Variants in CNBD1 observed in about 807,000 individuals in gnomAD.
The protein encoded by CNBD1 is cyclic nucleotide-binding domain-containing protein 1.
Under a neutral mutation model 54.4 loss-of-function variants are expected in CNBD1, and 71 were observed. That is an observed-to-expected ratio of 1.30 (90% CI 1.08 to 1.59). CNBD1 has a LOEUF of 1.59. CNBD1 is among the 40% of genes most tolerant of loss of function. The pLI is 0.00. For synonymous variants in CNBD1, 182 were observed against 170.7 expected, an observed-to-expected ratio of 1.07 and a Z score of -0.51; for missense variants, 659 against 518.0, an observed-to-expected ratio of 1.27 and a Z score of -2.64.
At chr8:87,361,448 G>T (rs1259741010) in intron 10 of CNBD1, among the ~76,000 whole-genome samples, 1 of 151,560 alleles carries the variant, frequency 6.6e-6, no homozygotes, top group African/African-American at 2.4e-5. Context: ...GTCTTACAAG[G>T]CTATGTGAAG....
intron 4 of CNBD1, among the ~76,000 whole-genome samples, chr8:87,142,519 A>G (rs995151010): frequency 3.3e-5 from 5 of 152,178 alleles, no homozygotes; most frequent in African/African-American, 1.2e-4. Flanking sequence ...TAGGCTAAAT[A>G]CATTTAACTC....
At chr8:87,117,668 T>A (rs979232078) in intron 4 of CNBD1, among the ~76,000 whole-genome samples, 1 of 152,136 alleles carries the variant, frequency 6.6e-6, no homozygotes, top group African/African-American at 2.4e-5. Context: ...GAAATCAAGA[T>A]AAGGAGTGAG....
At chr8:86,932,545 A>G (rs1426155294) in intron 3 of CNBD1, among the ~76,000 whole-genome samples, 2 of 152,160 alleles carry the variant, frequency 1.3e-5, no homozygotes, top group Admixed American at 6.5e-5. Context: ...TTATCCTTCA[A>G]TGAAAGGAAA....
intron 10 of CNBD1, among the ~76,000 whole-genome samples, chr8:87,363,714 T>A (rs967745253): frequency 5.9e-5 from 9 of 152,106 alleles, no homozygotes; most frequent in Admixed American, 5.2e-4. Flanking sequence ...TGTTTTTTTC[T>A]TGTGATTTTG....
intron 2 of CNBD1, among the ~76,000 whole-genome samples, chr8:87,418,020 C>G (rs1288785155): frequency 6.6e-6 from 1 of 151,840 alleles, no homozygotes; most frequent in African/African-American, 2.4e-5. Context: ...ATTAAAATTC[C>G]TGCTCTCCGT....
At chr8:87,227,186 C>G (rs1376574929) in intron 5 of CNBD1, among the ~76,000 whole-genome samples, 4 of 152,180 alleles carry the variant, frequency 2.6e-5, no homozygotes, top group Middle Eastern at 3.4e-3. Flanking sequence ...GGTCTTGACT[C>G]TTTATCCAAT....
intron 2 of CNBD1, among the ~76,000 whole-genome samples, chr8:87,397,052 TA>T: frequency 6.6e-6 from 1 of 151,954 alleles, no homozygotes; most frequent in Non-Finnish European, 1.5e-5. Context: ...GCTTTTAAAA[TA>T]TAATTTTTGA....
chr8:87,157,522 G>A (rs1812766078), intron 4 of CNBD1, among the ~76,000 whole-genome samples: 1 of 152,056 alleles, frequency 6.6e-6, no homozygotes, highest in African/African-American at 2.4e-5. Flanking sequence ...CTAAACATAG[G>A]GACACATTTG....
intron 2 of CNBD1, among the ~76,000 whole-genome samples, chr8:87,404,044 G>A (rs1807612643): frequency 6.6e-6 from 1 of 152,056 alleles, no homozygotes; most frequent in East Asian, 1.9e-4. Flanking sequence ...TTTGCTGCAT[G>A]CATCCTGTTG....
At chr8:86,965,650 C>T (rs557609470) in intron 4 of CNBD1, among the ~76,000 whole-genome samples, 15 of 152,176 alleles carry the variant, frequency 9.9e-5, no homozygotes, top group African/African-American at 2.4e-4. Flanking sequence ...CAAAATGTTA[C>T]GGGATCTTTG....
intron 4 of CNBD1, among the ~76,000 whole-genome samples, chr8:87,130,275 G>T (rs963780344): frequency 4.6e-5 from 7 of 152,064 alleles, no homozygotes; most frequent in African/African-American, 9.7e-5. Flanking sequence ...CATATTTTGT[G>T]CAATTCCAGT....
chr8:87,262,713 G>C (rs1288681911), intron 6 of CNBD1, among the ~76,000 whole-genome samples: 1 of 152,052 alleles, frequency 6.6e-6, no homozygotes, highest in Non-Finnish European at 1.5e-5. Flanking sequence ...TCTGCTACTT[G>C]AGATAAATTA....
intron 10 of CNBD1, among the ~76,000 whole-genome samples, chr8:87,373,445 C>T (rs1045910963): frequency 2.6e-5 from 4 of 151,826 alleles, no homozygotes; most frequent in Non-Finnish European, 5.9e-5. Context: ...AAACATGAAA[C>T]ATTTTGAGAC....
intron 6 of CNBD1, among the ~76,000 whole-genome samples, chr8:87,253,432 C>A (rs901373823): frequency 6.6e-6 from 1 of 152,154 alleles, no homozygotes; most frequent in South Asian, 2.1e-4. Context: ...CCACACAGCC[C>A]TCTGGGTCGT....
At chr8:86,912,391 C>A (rs1481048577) in intron 3 of CNBD1, among the ~76,000 whole-genome samples, 1 of 151,992 alleles carries the variant, frequency 6.6e-6, no homozygotes, top group Admixed American at 6.6e-5. Flanking sequence ...TGCAGTCATG[C>A]ACTGCATAAC....
rs10504829 is a variant in CNBD1, at chr8:86,905,112, G to A, written c.190G>A (p.Asp64Asn). Residue 64 changes from aspartate (D) to asparagine (N), a missense_variant, in exon 3 of 11, where the codon GAT becomes AAT. Asp to Asn is a conservative substitution (Grantham distance 23, BLOSUM62 1). Coordinates refer to ENST00000518476, the MANE Select transcript of CNBD1 (RefSeq NM_173538.3). ...TATGAGCAATATCTTATCAGCTCAC[G>A]ATACATTTATGAAGCAATATCCTAA... ...RSMSNILSAH[D>N]TFMKQYPKVF... 6.1e-3 allele frequency: 9,758 copies of A among 1,611,260 alleles called. 363 individuals are homozygous for A. The African/African-American group carries it at 0.092, about 15-fold the overall frequency.
chr8:87,060,748 A>T (rs1330390647), intron 4 of CNBD1, among the ~76,000 whole-genome samples: 2 of 152,162 alleles, frequency 1.3e-5, no homozygotes, highest in African/African-American at 4.8e-5. Context: ...TAAAATTTTT[A>T]AAATTAAAAG....
At chr8:87,305,633 C>A (rs1256363739) in intron 8 of CNBD1, among the ~76,000 whole-genome samples, 1 of 152,048 alleles carries the variant, frequency 6.6e-6, no homozygotes, top group Non-Finnish European at 1.5e-5. Flanking sequence ...TTCAACAAAG[C>A]AAACGAAAAC....
chr8:87,302,832 T>C (rs1389636946), intron 8 of CNBD1, among the ~76,000 whole-genome samples: 1 of 152,054 alleles, frequency 6.6e-6, no homozygotes, highest in African/African-American at 2.4e-5. Context: ...AGCATTCTTA[T>C]ACACCAGCAA....
Sources: allele counts gnomAD v4.1 joint callset (sites outside exome capture counted in the v4.1 genomes callset), GRCh38; gene constraint gnomAD v4.1.1; transcripts MANE v1.5; gene names NCBI Gene and HGNC (gene_info 2026-07-23, HGNC 2026-07-21).